The following ACAN variants were observed in gnomAD, a reference collection of about 807,000 sequenced individuals.
The protein encoded by ACAN is aggrecan, also known as aggrecan core protein.
In ACAN, 47 loss-of-function variants were observed where a neutral mutation model predicts 169.1. The observed-to-expected ratio is 0.28, with a 90% confidence interval of 0.22 to 0.35. ACAN has a LOEUF of 0.35. Ranked by LOEUF, ACAN falls within the 10% of genes least tolerant of loss-of-function variation. The pLI is 1.00. For synonymous variants in ACAN, 1,115 were observed against 1,112.2 expected, an observed-to-expected ratio of 1.00 and a Z score of -0.05; for missense variants, 2,716 against 2,759.9, an observed-to-expected ratio of 0.98 and a Z score of 0.36.
At chr15:88,845,220 G>A (rs992176980) in intron 6 of ACAN, among the ~76,000 whole-genome samples, 3 of 152,260 alleles carry the variant, frequency 2.0e-5, no homozygotes, top group Non-Finnish European at 4.4e-5. Flanking sequence ...AGGAAGGGCT[G>A]TTGGGGTGGG....
At position 88,814,376 on chromosome 15, in the gene ACAN, T is replaced by C. The variant is rs1057008662; in HGVS notation, c.-8+10567T>C. Among the ~76,000 whole-genome samples, 2 of 152,210 alleles carry C rather than the reference T, an allele frequency of 1.3e-5. No homozygotes were observed. The highest frequency in any genetic ancestry group is 4.1e-4 in the South Asian group (2 of 4,830). ...TTTGGATGATCATGACTGCCTCCTC[T>C]TGCCCAAACTGAAGTTTCTCAGCTG... On this transcript the variant is annotated intron_variant, in intron 1 of 18. Coordinates refer to ENST00000560601, the MANE Select transcript of ACAN (RefSeq NM_001369268.1). The surrounding 1 kb of genome is among the most constrained non-coding windows in gnomAD (Gnocchi z 4.0).
rs1896558428 is a variant in ACAN at position 88,838,365 on chromosome 15, G to C, written c.71-298G>C. On this transcript the variant is annotated intron_variant, in intron 2 of 18. Transcript: ENST00000560601. This position sits in a 1 kb window ranked among gnomAD's most constrained non-coding sequence, Gnocchi z 5.1. ...TGCAGTACCCCAGTTTGAGAAACAG[G>C]GAGTTGGTCCTGACTCTGACGTCTC... Among the ~76,000 whole-genome samples the C allele has an allele frequency of 6.6e-6, 1 of 152,086 alleles. No individual in the cohort carries two copies. Among genetic ancestry groups the C allele is most frequent in the Admixed American group, 6.5e-5 (1 of 15,278 alleles).
rs769175954 is a variant in ACAN, at chr15:88,859,125, G to A, written c.6540G>A (p.Glu2180=). 6.8e-6 allele frequency: 11 copies of A among 1,613,740 alleles called. No homozygotes were observed. The highest frequency in any genetic ancestry group is 8.5e-6 in the Non-Finnish European group (10 of 1,179,912). The change falls in exon 12 of 19, where the codon GAG becomes GAA. Residue 2180 remains glutamate (E), a synonymous_variant. Coordinates refer to ENST00000560601, the MANE Select transcript of ACAN (RefSeq NM_001369268.1). The part of the protein sequence containing the change: ...ESTTTSDVGT[E]APGLPSATPT... ...CCACCACCAGTGATGTGGGGACAGA[G>A]GCACCAGGCTTGCCTTCAGCCACTC...
At chr15:88,827,270 C>T (rs1216239225) in intron 1 of ACAN, among the ~76,000 whole-genome samples, 1 of 152,184 alleles carries the variant, frequency 6.6e-6, no homozygotes, top group East Asian at 1.9e-4. Context: ...TTACAGTCCA[C>T]AGTTTTATTT....
chr15:88,830,194 G>T (rs1264767659), intron 1 of ACAN, among the ~76,000 whole-genome samples: 2 of 152,164 alleles, frequency 1.3e-5, no homozygotes, highest in African/African-American at 4.8e-5. Flanking sequence ...CTTGGTTTTA[G>T]GGCCAGCCTC....
chr15:88,804,082 C>T (rs1423694684), intron 1 of ACAN, among the ~76,000 whole-genome samples: 1 of 152,150 alleles, frequency 6.6e-6, no homozygotes, highest in Non-Finnish European at 1.5e-5. Flanking sequence ...AACAAGGGAG[C>T]CTTTTCTCCA....
At chr15:88,853,287 C>A (rs924626334) in intron 11 of ACAN, among the ~76,000 whole-genome samples, 1 of 152,130 alleles carries the variant, frequency 6.6e-6, no homozygotes, top group Non-Finnish European at 1.5e-5. Flanking sequence ...TATCTGGGAA[C>A]GATTTGCACT....
intron 1 of ACAN, among the ~76,000 whole-genome samples, chr15:88,811,964 G>A (rs990951332): frequency 3.9e-5 from 6 of 152,016 alleles, no homozygotes; most frequent in African/African-American, 1.2e-4. Flanking sequence ...TTTCCTAAAC[G>A]CAACCCAAGT....
intron 4 of ACAN, 85 bp downstream of exon 4, chr15:88,840,271 G>A: frequency 7.0e-7 from 1 of 1,438,132 alleles, no homozygotes; most frequent in Non-Finnish European, 9.2e-7. Flanking sequence ...ACGTTGGCCA[G>A]CACTGAGCTG....
chr15:88,845,814 C>G lies in ACAN; in HGVS notation c.1361C>G (p.Thr454Arg). The stretch of plus-strand genomic sequence containing the variant: ...CCCACACCTGGCCTGGGCCCTGCCA[C>G]GGCATTCACCAGTGAGGACCTCGTC... ...GFPTPGLGPATAFTSEDLVVQ... is the reference protein window; with the variant it reads ...GFPTPGLGPARAFTSEDLVVQ... Residue 454 changes from threonine to arginine, a missense_variant, in exon 7 of 19, where the codon ACG (threonine) becomes AGG (arginine). This residue lies in a region of ACAN where 1,283 missense variants were observed against 1,281.5 expected (regional missense o/e 1.00). Transcript: ENST00000560601. 6.5e-7 allele frequency: 1 copy of G among 1,545,574 alleles called. No individual in the cohort carries two copies. The highest frequency in any genetic ancestry group is 8.7e-7 in the Non-Finnish European group (1 of 1,144,980).
chr15:88,841,488 T>G (rs1306060707), intron 4 of ACAN, among the ~76,000 whole-genome samples: 2 of 77,742 alleles, frequency 2.6e-5, no homozygotes, highest in African/African-American at 1.2e-4. Flanking sequence ...CTATCTTGCC[T>G]TTTATAGAAA....
chr15:88,817,439 G>T (rs567786479), intron 1 of ACAN, among the ~76,000 whole-genome samples: 1 of 152,072 alleles, frequency 6.6e-6, no homozygotes, highest in East Asian at 1.9e-4. Context: ...ACTGTGCCTG[G>T]CCAAATGTAG....
At chr15:88,862,372 C>T (rs577640179) in intron 13 of ACAN, among the ~76,000 whole-genome samples, 9 of 152,206 alleles carry the variant, frequency 5.9e-5, no homozygotes, top group Non-Finnish European at 1.3e-4. Context: ...CAATGTGCAG[C>T]CAGGACTGAG....
chr15:88,835,329 T>G (rs527386713), intron 1 of ACAN, among the ~76,000 whole-genome samples: 1 of 152,166 alleles, frequency 6.6e-6, no homozygotes, highest in African/African-American at 2.4e-5. Context: ...AGGACTGTGT[T>G]AGTCAGGGTT....
rs1168070667 is a variant in ACAN at position 88,855,037 on chromosome 15, T to C, written c.2452T>C (p.Phe818Leu). The C allele has an allele frequency of 6.3e-7, 1 of 1,593,200 alleles. No individual in the cohort carries two copies. The highest frequency in any genetic ancestry group is 1.8e-5 in the Admixed American group (1 of 56,442). The change falls in exon 12 of 19, where the codon TTC becomes CTC. Residue 818 changes from phenylalanine to leucine, a missense_variant. Transcript: ENST00000560601. ...GAGGCCATTCCCCTCAGTGGAGCTG[T>C]TCCCCTCAGAGGAGCCATTCCCCTC... Reference protein sequence around the residue: ...SVRPFPSVELFPSEEPFPSKE... With the variant: ...SVRPFPSVELLPSEEPFPSKE...
Position 88,868,464 on chromosome 15 carries a change from C to A in ACAN, c.7060+135C>A. ...TTCATCTGGAGAGCCATTTCAGGGGCCACAACTGAAAATTCTGCCCCACTG... is the reference window on the plus strand; with the variant it reads ...TTCATCTGGAGAGCCATTTCAGGGGACACAACTGAAAATTCTGCCCCACTG... On this transcript the variant is annotated intron_variant, in intron 14 of 18. Coordinates refer to ENST00000560601, the MANE Select transcript of ACAN (RefSeq NM_001369268.1). The surrounding 1 kb of genome is among the most constrained non-coding windows in gnomAD (Gnocchi z 5.2). 1.7e-6 allele frequency: 1 copy of A among 586,570 alleles called. No homozygotes were observed. The highest frequency in any genetic ancestry group is 3.0e-6 in the Non-Finnish European group (1 of 330,196). 36.3% of individuals were successfully genotyped at this position (586,570 alleles called of 1,614,324 possible).
chr15:88,849,972 C>T lies in ACAN; in HGVS notation c.2026+241C>T. ...TAAGAACTTGAGCTGGTATTTATGT[C>T]TACTAGAAATGAAGCAGACCTGAAT... On this transcript the variant is annotated intron_variant, in intron 10 of 18. Transcript: ENST00000560601. This position sits in a 1 kb window ranked among gnomAD's most constrained non-coding sequence, Gnocchi z 5.1. 1 of 638,708 alleles carries T rather than the reference C, an allele frequency of 1.6e-6. No individual in the cohort carries two copies. The highest frequency in any genetic ancestry group is 2.8e-6 in the Non-Finnish European group (1 of 358,628). 39.6% of individuals were successfully genotyped at this position (638,708 alleles called of 1,614,324 possible). A position where few individuals can be genotyped will look rare whatever the true frequency, so the allele number is the denominator to read the frequency against.
chr15:88,871,385 A>G lies in ACAN; in HGVS notation c.7064A>G (p.Gln2355Arg), dbSNP rs748466186. The G allele has an allele frequency of 2.5e-6, 4 of 1,613,838 alleles. No individual in the cohort carries two copies. The highest frequency in any genetic ancestry group is 3.4e-6 in the Non-Finnish European group (4 of 1,179,880). Reference protein sequence around the residue: ...SYEGDLCEIDQEVCEEGWNKY... With the variant: ...SYEGDLCEIDREVCEEGWNKY... ...AAGCCCCTGACCTGTGTTGCAGACCAGGAGGTATGTGAGGAGGGCTGGAAC... is the reference window on the plus strand; with the variant it reads ...AAGCCCCTGACCTGTGTTGCAGACCGGGAGGTATGTGAGGAGGGCTGGAAC... Residue 2355 changes from glutamine (Q) to arginine (R), a missense_variant, in exon 15 of 19, where the codon CAG (glutamine) becomes CGG (arginine). By Grantham distance (43) the Gln-to-Arg change is conservative. Coordinates refer to ENST00000560601, the MANE Select transcript of ACAN (RefSeq NM_001369268.1). This position sits in a 1 kb window ranked among gnomAD's most constrained non-coding sequence, Gnocchi z 7.8.
rs1392430936 is a variant in ACAN at position 88,856,768 on chromosome 15, C to T, written c.4183C>T (p.Pro1395Ser). ...APGVEDISGL[P>S]SGEVLETTAP... is the part of the protein sequence containing the mutation. ...TGGAGTAGAGGACATCAGCGGGCTT[C>T]CTTCTGGAGAAGTTCTAGAGACTAC... Residue 1395 changes from proline to serine, a missense_variant, in exon 12 of 19, where the codon CCT becomes TCT. Pro to Ser is a moderately conservative substitution (Grantham distance 74, BLOSUM62 -1). Transcript: ENST00000560601. 1.0e-6 allele frequency: 1 copy of T among 983,958 alleles called. No homozygotes were observed. Among genetic ancestry groups the T allele is most frequent in the Non-Finnish European group, 1.5e-6 (1 of 673,892 alleles). 61.0% of individuals were successfully genotyped at this position (983,958 alleles called of 1,614,324 possible).
Sources: gnomAD v4.1 joint callset for allele counts (sites outside exome capture counted in the v4.1 genomes callset) on GRCh38, gnomAD v4.1.1 for gene constraint, gnomAD v4.1.1 regional missense constraint, Gnocchi (gnomAD v3.1) non-coding constraint, MANE v1.5 for transcripts, NCBI Gene and HGNC (gene_info 2026-07-23, HGNC 2026-07-21) for gene names.